Variants in LINGO2 observed in about 807,000 individuals in gnomAD.
LINGO2 encodes leucine-rich repeat and immunoglobulin-like domain-containing nogo receptor-interacting protein 2.
A neutral mutation model predicts 30.6 loss-of-function variants in LINGO2; 14 were observed. The observed-to-expected ratio is 0.46, with a 90% CI of 0.30 to 0.72. The LOEUF (loss-of-function observed/expected upper bound fraction) is 0.72, where lower values mean the gene tolerates loss of function less well. LINGO2 is among the 30% of genes least tolerant of loss of function. The pLI is 0.07. For synonymous variants in LINGO2, 317 were observed against 288.5 expected, an observed-to-expected ratio of 1.10 and a Z score of -1.00; for missense variants, 729 against 751.7, an observed-to-expected ratio of 0.97 and a Z score of 0.35.
chr9:28,676,251 C>G, the LINGO2 span, among the ~76,000 whole-genome samples: 1 of 151,810 alleles, frequency 6.6e-6, no homozygotes, highest in Non-Finnish European at 1.5e-5. Context: ...AATTTTAAGA[C>G]AGCAAATTAG....
the LINGO2 span, among the ~76,000 whole-genome samples, chr9:28,876,038 C>T: frequency 6.6e-6 from 1 of 151,922 alleles, no homozygotes; most frequent in African/African-American, 2.4e-5. Context: ...GAATATTAAA[C>T]CCTTTCACTC....
chr9:29,060,549 C>T, the LINGO2 span, among the ~76,000 whole-genome samples: 1 of 152,098 alleles, frequency 6.6e-6, no homozygotes, highest in Admixed American at 6.6e-5. Context: ...CCAAGAACCA[C>T]TTCATTGAAG....
intron 4 of LINGO2, among the ~76,000 whole-genome samples, chr9:28,019,086 G>C (rs1044512040): frequency 2.0e-5 from 3 of 151,946 alleles, no homozygotes; most frequent in Non-Finnish European, 2.9e-5. Context: ...AGTACACATG[G>C]GCACTAAGAA....
At chr9:28,435,856 A>C (rs1275438841) in intron 2 of LINGO2, among the ~76,000 whole-genome samples, 1 of 152,188 alleles carries the variant, frequency 6.6e-6, no homozygotes, top group African/African-American at 2.4e-5. Flanking sequence ...AATGAACAAA[A>C]CTTGGAAAAT....
chr9:28,266,855 A>G (rs952582908), intron 4 of LINGO2, among the ~76,000 whole-genome samples: 1 of 152,036 alleles, frequency 6.6e-6, no homozygotes, highest in African/African-American at 2.4e-5. Flanking sequence ...ATTAATGCCC[A>G]TGTCAAGGTA....
chr9:29,130,853 A>G, the LINGO2 span, among the ~76,000 whole-genome samples: 3 of 152,022 alleles, frequency 2.0e-5, no homozygotes, highest in Non-Finnish European at 1.5e-5. Context: ...TTCTAAAGTC[A>G]AAATACTAAG....
At chr9:28,369,490 T>C (rs1028842466) in intron 3 of LINGO2, among the ~76,000 whole-genome samples, 2 of 152,204 alleles carry the variant, frequency 1.3e-5, no homozygotes, top group Non-Finnish European at 1.5e-5. Flanking sequence ...CTATAGAATA[T>C]GCATGGCTAA....
At position 28,648,121 on chromosome 9, in the gene LINGO2, G is replaced by C. The variant is rs144202476; in HGVS notation, c.-365+22079C>G. 1.5e-3 allele frequency among the ~76,000 whole-genome samples: 227 copies of C among 152,020 alleles called. 1 individual carries two copies. The highest frequency in any genetic ancestry group is 5.1e-3 in the African/African-American group (212 of 41,504). On this transcript the variant is annotated intron_variant, in intron 1 of 5. Coordinates refer to ENST00000379992, the Ensembl canonical transcript of LINGO2. Reference sequence around the variant, plus strand: ...TCCCTGCAAAATTCCACTGTAGAATGACAGTAACTTGTAATTCTCAAACAT... The same window carrying C: ...TCCCTGCAAAATTCCACTGTAGAATCACAGTAACTTGTAATTCTCAAACAT...
intron 1 of LINGO2, among the ~76,000 whole-genome samples, chr9:28,626,808 T>G (rs7848569): frequency 0.11 from 16,674 of 150,886 alleles, 1,013 homozygotes; most frequent in African/African-American, 0.15. Flanking sequence ...AATGTTTTTT[T>G]CAGCTCTAAA....
the LINGO2 span, among the ~76,000 whole-genome samples, chr9:29,085,399 C>G: frequency 2.0e-5 from 3 of 149,688 alleles, no homozygotes; most frequent in East Asian, 5.9e-4. Flanking sequence ...CTACCATCAG[C>G]TAATTGGTTA....
At chr9:28,960,114 G>A in the LINGO2 span, among the ~76,000 whole-genome samples, 17,965 of 152,090 alleles carry the variant, frequency 0.12, 1,044 homozygotes, top group South Asian at 0.16. Flanking sequence ...CTACTTTCAT[G>A]AATCTATTCT....
chr9:28,085,671 C>T (rs1011884847), intron 4 of LINGO2, among the ~76,000 whole-genome samples: 2 of 152,014 alleles, frequency 1.3e-5, no homozygotes, highest in Admixed American at 6.6e-5. Flanking sequence ...CCAGCGATCC[C>T]AGAGAATGAG....
the LINGO2 span, among the ~76,000 whole-genome samples, chr9:28,879,124 C>T: frequency 5.9e-5 from 9 of 152,202 alleles, no homozygotes; most frequent in South Asian, 6.2e-4. Context: ...TAAGCTGATA[C>T]GCAACTTCAG....
At chr9:28,269,535 A>C (rs1822869151) in intron 4 of LINGO2, among the ~76,000 whole-genome samples, 1 of 152,048 alleles carries the variant, frequency 6.6e-6, no homozygotes, top group Non-Finnish European at 1.5e-5. Context: ...ATTCTCCCTA[A>C]AATTACTCAG....
intron 1 of LINGO2, among the ~76,000 whole-genome samples, chr9:28,512,634 T>C (rs58632642): frequency 0.077 from 488 of 6,322 alleles, 30 homozygotes; most frequent in African/African-American, 0.14. Context: ...TATATATATA[T>C]ATACACACAT....
chr9:28,695,655 C>T, the LINGO2 span, among the ~76,000 whole-genome samples: 1 of 150,648 alleles, frequency 6.6e-6, no homozygotes, highest in Non-Finnish European at 1.5e-5. Flanking sequence ...GACTATGGCA[C>T]TTTCATACAA....
the LINGO2 span, among the ~76,000 whole-genome samples, chr9:28,909,149 CA>C: frequency 6.6e-6 from 1 of 151,898 alleles, no homozygotes; most frequent in African/African-American, 2.4e-5. Flanking sequence ...CCCGATTATG[CA>C]ACTCTCTTCT....
chr9:28,326,170 C>A (rs537433084), intron 3 of LINGO2, among the ~76,000 whole-genome samples: 13 of 152,216 alleles, frequency 8.5e-5, no homozygotes, highest in African/African-American at 2.9e-4. Flanking sequence ...CCATATGTGA[C>A]TAATTTTTGT....
rs114421547 is a variant in LINGO2, at chr9:28,021,472, T to C, written c.-86-9067A>G. ...AGAAGAATGTATATTTTCCTGTTGC[T>C]GGATGCCATATTCTATAAATGTCAA... On this transcript the variant is annotated intron_variant, in intron 4 of 5. Coordinates refer to ENST00000379992, the Ensembl canonical transcript of LINGO2. Among the ~76,000 whole-genome samples the C allele has an allele frequency of 3.5e-3, 534 of 152,208 alleles. 4 individuals carry two copies. Among genetic ancestry groups the C allele is most frequent in the African/African-American group, 0.012 (516 of 41,480 alleles).
Sources: gnomAD v4.1 joint callset for allele counts (sites outside exome capture counted in the v4.1 genomes callset) on GRCh38, gnomAD v4.1.1 for gene constraint, MANE v1.5 for transcripts, NCBI Gene and HGNC (gene_info 2026-07-23, HGNC 2026-07-21) for gene names.